FANCM: variants seen among roughly 807,000 people sequenced by gnomAD.
FANCM encodes the protein FA complementation group M, also known as Fanconi anemia group M protein.
A neutral mutation model predicts 199.5 loss-of-function variants in FANCM; 140 were observed. The observed-to-expected ratio is 0.70, with a 90% CI of 0.61 to 0.81. FANCM has a LOEUF of 0.81. Ranked by LOEUF, FANCM falls within the 30% of genes least tolerant of loss-of-function variation. The pLI is 0.00. For missense variants in FANCM, 2,410 were observed against 2,421.4 expected, an observed-to-expected ratio of 1.00 and a Z score of 0.10; for synonymous variants, 840 against 836.8, an observed-to-expected ratio of 1.00 and a Z score of -0.07.
chr14:45,185,086 A>C (rs1889312651), intron 17 of FANCM, 131 bp from the exon 18 acceptor site: 1 of 703,812 alleles, frequency 1.4e-6, no homozygotes, highest in Non-Finnish European at 2.4e-6. Flanking sequence ...TGGGCCTAGA[A>C]ATTTTGTTTT....
At chr14:45,165,131 G>A (rs996028855) in intron 10 of FANCM, among the ~76,000 whole-genome samples, 4 of 152,132 alleles carry the variant, frequency 2.6e-5, no homozygotes, top group African/African-American at 9.7e-5. Context: ...TTCTAAATAA[G>A]ATGTTACATA....
At chr14:45,146,240 GAAA>G (rs143430263) in intron 3 of FANCM, among the ~76,000 whole-genome samples, 8 of 93,178 alleles carry the variant, frequency 8.6e-5, no homozygotes, top group Middle Eastern at 0.013. Flanking sequence ...GACTCCGTCT[GAAA>G]AAAAAAAAAA....
rs2139235106 is a variant in FANCM, at chr14:45,173,158, G to C, written c.2264G>C (p.Cys755Ser). 6.2e-7 allele frequency: 1 copy of C among 1,613,764 alleles called. No homozygotes were observed. Among genetic ancestry groups the C allele is most frequent in the Non-Finnish European group, 8.5e-7 (1 of 1,179,774 alleles). The change falls in exon 13 of 23, where the codon TGC (cysteine) becomes TCC (serine). Residue 755 changes from cysteine to serine, a missense_variant. Coordinates refer to ENST00000267430, the MANE Select transcript of FANCM (RefSeq NM_020937.4). ...CATCAAGTTGATCACTCAGATCGATGCCGCCATTTTATAGGCCTTATGCAA... is the reference window on the plus strand; with the variant it reads ...CATCAAGTTGATCACTCAGATCGATCCCGCCATTTTATAGGCCTTATGCAA... ...PTHQVDHSDR[C>S]RHFIGLMQMI...
At chr14:45,187,517 C>A (rs2139290976) in intron 18 of FANCM, among the ~76,000 whole-genome samples, 1 of 152,118 alleles carries the variant, frequency 6.6e-6, no homozygotes, top group South Asian at 2.1e-4. Context: ...CCATTTTAAT[C>A]CTCATTTTCA....
chr14:45,187,662 T>G, intron 18 of FANCM, 119 bp from the exon 19 acceptor site: 1 of 606,580 alleles, frequency 1.6e-6, no homozygotes, highest in East Asian at 2.8e-5. Context: ...ATTGTCTTTG[T>G]GTAAAATATT....
intron 5 of FANCM, among the ~76,000 whole-genome samples, chr14:45,152,755 C>T (rs1886916625): frequency 6.6e-6 from 1 of 152,098 alleles, no homozygotes; most frequent in Non-Finnish European, 1.5e-5. Flanking sequence ...AGTATTATAC[C>T]ACGAAACCGG....
At chr14:45,192,333 G>C (rs527992528) in intron 20 of FANCM, among the ~76,000 whole-genome samples, 5 of 152,306 alleles carry the variant, frequency 3.3e-5, no homozygotes, top group Admixed American at 2.6e-4. Flanking sequence ...ACTGGACACT[G>C]TGAAATCTGG....
intron 10 of FANCM, 101 bp from the exon 11 acceptor site, chr14:45,166,849 A>ATT: frequency 1.3e-6 from 1 of 751,016 alleles, no homozygotes; most frequent in African/African-American, 1.8e-5. Flanking sequence ...TCGGGGTTTA[A>ATT]TTTTATGTTT....
chr14:45,149,697 A>G (rs1187745141), intron 4 of FANCM, among the ~76,000 whole-genome samples: 1 of 151,982 alleles, frequency 6.6e-6, no homozygotes, highest in Non-Finnish European at 1.5e-5. Flanking sequence ...ATTGAAATAT[A>G]TTTTCACTGT....
At chr14:45,159,461 AC>A (rs1365508846) in intron 9 of FANCM, among the ~76,000 whole-genome samples, 181 bp downstream of exon 9, 1 of 151,536 alleles carries the variant, frequency 6.6e-6, no homozygotes, top group Non-Finnish European at 1.5e-5. Context: ...TGGTTTTGGA[AC>A]TTTTTTTTTT....
chr14:45,189,941 C>T (rs942199786), intron 20 of FANCM, among the ~76,000 whole-genome samples: 2 of 149,850 alleles, frequency 1.3e-5, no homozygotes, highest in Non-Finnish European at 3.0e-5. Context: ...GCACCCCAGC[C>T]TGGGTGACAG....
chr14:45,154,024 C>G lies in FANCM; in HGVS notation c.1155C>G (p.Phe385Leu), dbSNP rs754592572. The G allele has an allele frequency of 1.3e-6, 2 of 1,567,076 alleles. No homozygotes were observed. Among genetic ancestry groups the G allele is most frequent in the South Asian group, 1.1e-5 (1 of 90,056 alleles). The stretch of plus-strand genomic sequence containing the variant: ...TGGGAATGAGATCATTATATTTCTT[C>G]CTTTGTGGAATTATGGATGGAACTA... ...QQMGMRSLYFFLCGIMDGTKG... is the reference protein window; with the variant it reads ...QQMGMRSLYFLLCGIMDGTKG... Residue 385 changes from phenylalanine (F) to leucine (L), a missense_variant, in exon 6 of 23, where the codon TTC becomes TTG. Physicochemically the swap from Phe to Leu is conservative, Grantham distance 22 (BLOSUM62 0). Coordinates refer to ENST00000267430, the MANE Select transcript of FANCM (RefSeq NM_020937.4).
At chr14:45,163,137 G>C (rs12436623) in intron 9 of FANCM, among the ~76,000 whole-genome samples, 1 of 152,194 alleles carries the variant, frequency 6.6e-6, no homozygotes, top group Non-Finnish European at 1.5e-5. Context: ...CTAGCTTACA[G>C]ATTAAGTTAG....
chr14:45,155,705 A>G (rs931224485), intron 8 of FANCM, among the ~76,000 whole-genome samples: 1 of 152,224 alleles, frequency 6.6e-6, no homozygotes, highest in Admixed American at 6.5e-5. Flanking sequence ...AGGCTGAGGT[A>G]GGAGAATCGC....
At chr14:45,197,389 T>C (rs1890119320) in intron 21 of FANCM, among the ~76,000 whole-genome samples, 1 of 152,274 alleles carries the variant, frequency 6.6e-6, no homozygotes, top group Non-Finnish European at 1.5e-5. Flanking sequence ...TTGGGCAGCC[T>C]TTTCATCCCC....
rs774452204 is a variant in FANCM at position 45,173,194 on chromosome 14, G to A, written c.2300G>A (p.Gly767Glu). ...HFIGLMQMIE[G>E]MRHEEGECSY... Reference sequence around the variant, plus strand: ...ATAGGCCTTATGCAAATGATAGAGGGAATGAGACACGAAGAGGTGGGGTTT... The same window carrying A: ...ATAGGCCTTATGCAAATGATAGAGGAAATGAGACACGAAGAGGTGGGGTTT... The change falls in exon 13 of 23, where the codon GGA (glycine) becomes GAA (glutamate). Residue 767 changes from glycine to glutamate, a missense_variant. Physicochemically the swap from Gly to Glu is moderately conservative, Grantham distance 98 (BLOSUM62 -2). Coordinates refer to ENST00000267430, the MANE Select transcript of FANCM (RefSeq NM_020937.4). 3.1e-6 allele frequency: 5 copies of A among 1,613,852 alleles called. No homozygotes were observed. Among genetic ancestry groups the A allele is most frequent in the Middle Eastern group, 3.3e-4 (2 of 6,056 alleles).
chr14:45,190,430 A>G (rs1414843156), intron 20 of FANCM, among the ~76,000 whole-genome samples: 2 of 152,206 alleles, frequency 1.3e-5, no homozygotes, highest in Non-Finnish European at 2.9e-5. Context: ...CATATGTGTT[A>G]CCTCAAATAC....
chr14:45,176,920 A>G lies in FANCM; in HGVS notation c.4166A>G (p.Glu1389Gly). ...TTTGATTATTCAGAATTTTCTCTAG[A>G]AAAGTCTAAAAGCAGTGGTCCAATG... ...STFDYSEFSL[E>G]KSKSSGPMYL... Residue 1389 changes from glutamate (E) to glycine (G), a missense_variant, in exon 14 of 23, where the codon GAA becomes GGA. Transcript: ENST00000267430. 6.2e-7 allele frequency: 1 copy of G among 1,611,470 alleles called. No individual in the cohort carries two copies. Among genetic ancestry groups the G allele is most frequent in the Non-Finnish European group, 8.5e-7 (1 of 1,178,044 alleles).
chr14:45,170,780 CCCCCCTCATTTTAATGCCAGAA>C, intron 12 of FANCM, 34 bp downstream of exon 12: 1 of 1,578,968 alleles, frequency 6.3e-7, no homozygotes, highest in East Asian at 2.3e-5. Flanking sequence ...GTTCTTTTCC[CCCCCCTCATTTTAATGCCAGAA>C]CCCCTCAGAT....
Sources: allele counts gnomAD v4.1 joint callset (sites outside exome capture counted in the v4.1 genomes callset), GRCh38; gene constraint gnomAD v4.1.1; transcripts MANE v1.5; gene names NCBI Gene and HGNC (gene_info 2026-07-23, HGNC 2026-07-21).